Variants in ADAM22 observed in about 807,000 individuals in gnomAD.
ADAM22 encodes the protein ADAM metallopeptidase domain 22.
A neutral mutation model predicts 144.6 loss-of-function variants in ADAM22; 65 were observed. The ratio of observed to expected loss-of-function variants is 0.45; its 90% CI spans 0.37 to 0.55. The LOEUF (loss-of-function observed/expected upper bound fraction) is 0.55, where lower values mean the gene tolerates loss of function less well. Ranked by LOEUF, ADAM22 falls within the 20% of genes least tolerant of loss-of-function variation. The pLI is 0.00. For synonymous variants in ADAM22, 391 were observed against 412.6 expected, an observed-to-expected ratio of 0.95 and a Z score of 0.63; for missense variants, 974 against 1,184.9, an observed-to-expected ratio of 0.82 and a Z score of 2.61.
Position 88,075,711 on chromosome 7 carries a change from C to G in ADAM22, c.390+19C>G. 3.1e-6 allele frequency: 5 copies of G among 1,595,116 alleles called. No homozygotes were observed. Among genetic ancestry groups the G allele is most frequent in the Non-Finnish European group, 4.3e-6 (5 of 1,163,784 alleles). Reference sequence around the variant, plus strand: ...AGTTAAAGTAAGTGAAATTTTCCTACTTGTGGGGAAATTTGTTGAGAATCT... The same window carrying G: ...AGTTAAAGTAAGTGAAATTTTCCTAGTTGTGGGGAAATTTGTTGAGAATCT... On this transcript the variant is annotated intron_variant, in intron 4 of 31. Coordinates refer to ENST00000413139, the MANE Select transcript of ADAM22 (RefSeq NM_001324418.2).
At chr7:88,063,963 G>T (rs188008404) in intron 3 of ADAM22, among the ~76,000 whole-genome samples, 1 of 152,132 alleles carries the variant, frequency 6.6e-6, no homozygotes, top group Non-Finnish European at 1.5e-5. Context: ...CAAAATAAGA[G>T]GGAGAAGATC....
intron 3 of ADAM22, among the ~76,000 whole-genome samples, chr7:88,008,538 G>T (rs1245527097): frequency 6.6e-6 from 1 of 152,112 alleles, no homozygotes; most frequent in East Asian, 1.9e-4. Context: ...AAGAAAATGT[G>T]GCACATATAC....
intron 3 of ADAM22, among the ~76,000 whole-genome samples, chr7:87,986,635 C>G (rs1051516044): frequency 1.3e-5 from 2 of 152,190 alleles, no homozygotes; most frequent in African/African-American, 4.8e-5. Flanking sequence ...TCCGAGCTTA[C>G]TAGAGTAGCA....
At chr7:87,934,708 C>A (rs1402051291) in intron 1 of ADAM22, 158 bp downstream of exon 1, 2 of 734,912 alleles carry the variant, frequency 2.7e-6, no homozygotes, top group Non-Finnish European at 4.2e-6. Flanking sequence ...AGAAGTGGAG[C>A]AAAAATATAT....
chr7:87,934,255 G>T lies in ADAM22; in HGVS notation c.-211G>T. ...CAGCCAACCGCCCAATGCAGCACTC[G>T]CTCGCTCCCCCCGCCAGCGGAAGCG... On this transcript the variant is annotated 5_prime_UTR_variant, in exon 1 of 32. Transcript: ENST00000413139. 1 of 504,416 alleles carries T rather than the reference G, an allele frequency of 2.0e-6. No individual in the cohort carries two copies. The highest frequency in any genetic ancestry group is 3.4e-6 in the Non-Finnish European group (1 of 290,102). The allele number at this position is 504,416 out of a possible 1,614,324, so 31.2% of individuals were successfully genotyped here.
chr7:88,178,304 A>G (rs1487098810), intron 26 of ADAM22, among the ~76,000 whole-genome samples: 3 of 152,142 alleles, frequency 2.0e-5, no homozygotes, highest in African/African-American at 2.4e-5. Flanking sequence ...TTGTTAAATT[A>G]TCTTCCTTCA....
At chr7:88,159,371 A>G (rs2129528717) in intron 22 of ADAM22, among the ~76,000 whole-genome samples, 1 of 152,262 alleles carries the variant, frequency 6.6e-6, no homozygotes, top group South Asian at 2.1e-4. Flanking sequence ...ATTCAAAAAA[A>G]TTGAGGAGGA....
chr7:88,175,367 T>C (rs1845373293), intron 26 of ADAM22, among the ~76,000 whole-genome samples: 1 of 152,172 alleles, frequency 6.6e-6, no homozygotes, highest in Non-Finnish European at 1.5e-5. Context: ...CCCAGAGTCA[T>C]TAAGTTACAG....
intron 8 of ADAM22, among the ~76,000 whole-genome samples, chr7:88,126,633 G>A (rs1162615763): frequency 2.6e-5 from 4 of 151,870 alleles, no homozygotes; most frequent in African/African-American, 7.3e-5. Flanking sequence ...GCTTGGGACC[G>A]GAAGTTTTGC....
At chr7:88,017,915 T>C (rs1345259642) in intron 3 of ADAM22, among the ~76,000 whole-genome samples, 1 of 152,080 alleles carries the variant, frequency 6.6e-6, no homozygotes, top group South Asian at 2.1e-4. Flanking sequence ...ACATTTTTTT[T>C]CTCCACATAC....
Position 88,181,529 on chromosome 7 carries a change from G to T in ADAM22, c.2520G>T (p.Trp840Cys). The change falls in exon 28 of 32, where the codon TGG becomes TGT. Residue 840 changes from tryptophan to cysteine, a missense_variant. Around this residue, in one of 2 missense-constraint regions of ADAM22, gnomAD observed 734 missense variants for 950.6 expected, o/e 0.77. Transcript: ENST00000413139. ...CSRSNGLSHS[W>C]SERIPDTKHI... The stretch of plus-strand genomic sequence containing the variant: ...GGTCAAATGGGCTCTCTCATTCTTG[G>T]AGTGAAAGGATTCCAGACACAAAAC... The T allele has an allele frequency of 1.2e-5, 20 of 1,613,638 alleles. No homozygotes were observed. The highest frequency in any genetic ancestry group is 1.7e-5 in the Non-Finnish European group (20 of 1,179,730).
chr7:88,117,838 C>T (rs758281665), intron 7 of ADAM22, among the ~76,000 whole-genome samples: 8 of 152,028 alleles, frequency 5.3e-5, no homozygotes, highest in African/African-American at 1.9e-4. Context: ...GGACCACAGG[C>T]ACACACCATT....
At chr7:88,014,630 C>T (rs1451569189) in intron 3 of ADAM22, among the ~76,000 whole-genome samples, 1 of 152,134 alleles carries the variant, frequency 6.6e-6, no homozygotes, top group African/African-American at 2.4e-5. Context: ...GTAATCCCAG[C>T]TACTCAGGAG....
At chr7:87,971,552 A>G (rs1467631389) in intron 2 of ADAM22, among the ~76,000 whole-genome samples, 1 of 152,194 alleles carries the variant, frequency 6.6e-6, no homozygotes, top group Non-Finnish European at 1.5e-5. Context: ...ATCACAATTC[A>G]TTCTTATGTA....
At chr7:88,099,398 G>A (rs1478787433) in intron 4 of ADAM22, among the ~76,000 whole-genome samples, 2 of 152,086 alleles carry the variant, frequency 1.3e-5, no homozygotes, top group Non-Finnish European at 2.9e-5. Context: ...GGAAAGGGCC[G>A]GCTAACCTGA....
intron 3 of ADAM22, among the ~76,000 whole-genome samples, chr7:88,038,903 C>T (rs1271234491): frequency 6.6e-6 from 1 of 151,892 alleles, no homozygotes; most frequent in Non-Finnish European, 1.5e-5. Flanking sequence ...ACCTCAGCCT[C>T]TCGAGTAGCT....
chr7:87,934,583 T>C, intron 1 of ADAM22, 33 bp downstream of exon 1: 1 of 1,586,160 alleles, frequency 6.3e-7, no homozygotes, highest in Non-Finnish European at 8.5e-7. Flanking sequence ...CTTTGGGCCA[T>C]ACCATTTCCC....
chr7:88,066,473 G>A (rs1811275291), intron 3 of ADAM22, among the ~76,000 whole-genome samples: 1 of 152,108 alleles, frequency 6.6e-6, no homozygotes, highest in Non-Finnish European at 1.5e-5. Flanking sequence ...GTTTGGACAT[G>A]TTAAGTGTGA....
chr7:88,039,464 A>AAAAAAAAAAAAAAAATATATATATAT, intron 3 of ADAM22, among the ~76,000 whole-genome samples: 3 of 76,396 alleles, frequency 3.9e-5, no homozygotes, highest in East Asian at 5.3e-4. Flanking sequence ...AAAAAAAAAA[A>AAAAAAAAAAAAAAAATATATATATAT]ATATATATAT....
Sources: allele counts gnomAD v4.1 joint callset (sites outside exome capture counted in the v4.1 genomes callset), GRCh38; gene constraint gnomAD v4.1.1; regional missense constraint gnomAD v4.1.1; transcripts MANE v1.5; gene names NCBI Gene and HGNC (gene_info 2026-07-23, HGNC 2026-07-21).